Variants in POGLUT1 observed in about 807,000 individuals in gnomAD.
POGLUT1 encodes the protein protein O-glucosyltransferase 1.
A neutral mutation model predicts 61.3 loss-of-function variants in POGLUT1; 32 were observed. The observed-to-expected ratio is 0.52, with a 90% CI of 0.39 to 0.70. The LOEUF (loss-of-function observed/expected upper bound fraction) is 0.70, where lower values mean the gene tolerates loss of function less well. Among genes scored for constraint, POGLUT1 ranks in the 30% least tolerant of loss-of-function variants. The pLI is 0.00. For missense variants in POGLUT1, 411 were observed against 469.8 expected, an observed-to-expected ratio of 0.87 and a Z score of 1.16; for synonymous variants, 158 against 158.2, an observed-to-expected ratio of 1.00 and a Z score of 0.01.
In POGLUT1 at chr3:119,493,613, T is replaced by G. The variant is rs1351035563; in HGVS notation, c.*1175T>G. ...CTTCCTTTGTCTTTTAAGAACTATTTGGTATTAACTAGTTTCAGAATTAGT... is the reference window on the plus strand; with the variant it reads ...CTTCCTTTGTCTTTTAAGAACTATTGGGTATTAACTAGTTTCAGAATTAGT... On this transcript the variant is annotated 3_prime_UTR_variant, in exon 11 of 11. Coordinates refer to ENST00000295588, the MANE Select transcript of POGLUT1 (RefSeq NM_152305.3). 2 of 152,160 alleles carry G rather than the reference T, an allele frequency of 1.3e-5. No homozygotes were observed. Among genetic ancestry groups the G allele is most frequent in the African/African-American group, 4.8e-5 (2 of 41,430 alleles). 9.4% of individuals were successfully genotyped at this position (152,160 alleles called of 1,614,324 possible).
intron 2 of POGLUT1, among the ~76,000 whole-genome samples, chr3:119,470,176 G>T (rs892521030): frequency 6.6e-6 from 1 of 152,178 alleles, no homozygotes. Context: ...ATTTGCTGTT[G>T]TCTCCCTGGT....
chr3:119,490,767 G>C, intron 9 of POGLUT1, 49 bp downstream of exon 9: 3 of 1,536,906 alleles, frequency 2.0e-6, no homozygotes, highest in South Asian at 1.2e-5. Context: ...CTTCCAATCT[G>C]CTTTTAAAAA....
chr3:119,474,856 A>G (rs1195158566), intron 3 of POGLUT1, among the ~76,000 whole-genome samples: 2 of 152,124 alleles, frequency 1.3e-5, no homozygotes, highest in African/African-American at 2.4e-5. Flanking sequence ...TAAAAATTAA[A>G]TTAAACTAAA....
chr3:119,484,342 T>C (rs544875612), intron 5 of POGLUT1, among the ~76,000 whole-genome samples: 2 of 152,350 alleles, frequency 1.3e-5, no homozygotes, highest in South Asian at 4.1e-4. Flanking sequence ...CCTCATTAAC[T>C]TCAGTTCAGC....
chr3:119,483,028 AAC>A (rs2081623646), intron 5 of POGLUT1, among the ~76,000 whole-genome samples: 3 of 152,208 alleles, frequency 2.0e-5, no homozygotes, highest in African/African-American at 7.2e-5. Flanking sequence ...GTGTATATGA[AAC>A]ACAGCTTCCC....
At chr3:119,474,483 G>A (rs944402866) in intron 3 of POGLUT1, among the ~76,000 whole-genome samples, 13 of 152,040 alleles carry the variant, frequency 8.6e-5, no homozygotes, top group African/African-American at 3.1e-4. Flanking sequence ...CTACTTTCTC[G>A]AATTATAGAT....
chr3:119,469,176 C>A (rs765115424), intron 1 of POGLUT1, 70 bp downstream of exon 1: 8 of 1,263,328 alleles, frequency 6.3e-6, no homozygotes, highest in Non-Finnish European at 8.9e-6. Context: ...GGCGCTCCCC[C>A]GCGCGGCCGG....
At chr3:119,476,951 AC>A (rs2081544422) in intron 3 of POGLUT1, among the ~76,000 whole-genome samples, 1 of 152,244 alleles carries the variant, frequency 6.6e-6, no homozygotes, top group Non-Finnish European at 1.5e-5. Flanking sequence ...TTCAGCTATT[AC>A]GAGAGTTTGT....
chr3:119,479,911 A>G lies in POGLUT1; in HGVS notation c.457-140A>G, dbSNP rs746454836. 8 of 1,528,004 alleles carry G rather than the reference A, an allele frequency of 5.2e-6. No individual in the cohort carries two copies. In the African/African-American group the frequency reaches 6.9e-5, roughly 13 times the overall value. 94.7% of individuals were successfully genotyped at this position (1,528,004 alleles called of 1,614,324 possible). On this transcript the variant is annotated intron_variant, in intron 4 of 10. Transcript: ENST00000295588. The stretch of plus-strand genomic sequence containing the variant: ...TTTTGCCTTTTAATGTCTACAGGCT[A>G]GACTTTGGAAAATAGGGAAAATATA...
At chr3:119,471,809 C>T (rs901786511) in intron 3 of POGLUT1, 8 of 314,522 alleles carry the variant, frequency 2.5e-5, no homozygotes, top group Non-Finnish European at 4.3e-5. Context: ...TGTCTGTCAT[C>T]GGCCAGTGTA....
intron 4 of POGLUT1, 115 bp from the exon 5 acceptor site, chr3:119,479,936 A>G: frequency 6.4e-7 from 1 of 1,564,372 alleles, no homozygotes; most frequent in Non-Finnish European, 8.7e-7. Flanking sequence ...GGGAAAATAT[A>G]TCTTTGACAA....
Position 119,470,005 on chromosome 3 carries a change from A to T in POGLUT1, c.176+95A>T, listed in dbSNP as rs952602235. 1.8e-5 allele frequency: 14 copies of T among 763,664 alleles called. No individual in the cohort carries two copies. In the African/African-American group the frequency reaches 2.3e-4, roughly 12 times the overall value. 47.3% of individuals were successfully genotyped at this position (763,664 alleles called of 1,614,324 possible). On this transcript the variant is annotated intron_variant, in intron 2 of 10. Coordinates refer to ENST00000295588, the MANE Select transcript of POGLUT1 (RefSeq NM_152305.3). ...AGAGATTTTGGTTGCAGTGGTCAGAAAGGCAAGGATGTTTTTCTATTTCTG... is the reference window on the plus strand; with the variant it reads ...AGAGATTTTGGTTGCAGTGGTCAGATAGGCAAGGATGTTTTTCTATTTCTG...
chr3:119,469,061 C>G lies in POGLUT1; in HGVS notation c.40C>G (p.Leu14Val). Residue 14 changes from leucine (L) to valine (V), a missense_variant, in exon 1 of 11, where the codon CTG becomes GTG. By Grantham distance (32) the Leu-to-Val change is conservative (BLOSUM62 1). Transcript: ENST00000295588. Reference sequence around the variant, plus strand: ...TAGCTCGCCGCTTCGGCTCTGGCTGCTGTTGTTCCTCCTGCCCTCAGCGCA... The same window carrying G: ...TAGCTCGCCGCTTCGGCTCTGGCTGGTGTTGTTCCTCCTGCCCTCAGCGCA... ...WASSPLRLWL[L>V]LFLLPSAQGR... The G allele has an allele frequency of 6.2e-7, 1 of 1,609,580 alleles. No individual in the cohort carries two copies. Among genetic ancestry groups the G allele is most frequent in the Non-Finnish European group, 8.5e-7 (1 of 1,179,110 alleles).
In POGLUT1 at chr3:119,491,582, C is replaced by A. The variant is rs2081746195; in HGVS notation, c.1022+8C>A. ...TCAAGAGATTGCTGAAAGGTGAGTT[C>A]TGTTCATTTTCCCTTTTCCACTTTA... is the stretch of plus-strand genomic sequence containing the variant. On this transcript the variant is annotated splice_region_variant and intron_variant, in intron 10 of 10. Coordinates refer to ENST00000295588, the MANE Select transcript of POGLUT1 (RefSeq NM_152305.3). 2 of 1,510,518 alleles carry A rather than the reference C, an allele frequency of 1.3e-6. No individual in the cohort carries two copies. Among genetic ancestry groups the A allele is most frequent in the South Asian group, 1.2e-5 (1 of 84,108 alleles). The allele number at this position is 1,510,518 out of a possible 1,614,324, so 93.6% of individuals were successfully genotyped here.
Position 119,493,100 on chromosome 3 carries a change from C to G in POGLUT1, c.*662C>G, listed in dbSNP as rs1314433529. ...AATTATTGCAATTGGATTTCAGGTT[C>G]CCTTTTTGTGCCTTCATGCCCTACT... is the stretch of plus-strand genomic sequence containing the variant. On this transcript the variant is annotated 3_prime_UTR_variant, in exon 11 of 11. Transcript: ENST00000295588. The G allele has an allele frequency of 2.0e-5, 3 of 151,300 alleles. No individual in the cohort carries two copies. The highest frequency in any genetic ancestry group is 7.4e-5 in the African/African-American group (3 of 40,614). The allele number at this position is 151,300 out of a possible 1,614,324, so 9.4% of individuals were successfully genotyped here. A position where few individuals can be genotyped will look rare whatever the true frequency, so the allele number is the denominator to read the frequency against.
Position 119,477,989 on chromosome 3 carries a change from A to G in POGLUT1, c.456+541A>G, listed in dbSNP as rs1357322192. On this transcript the variant is annotated intron_variant, in intron 4 of 10. Coordinates refer to ENST00000295588, the MANE Select transcript of POGLUT1 (RefSeq NM_152305.3). ...TAGGCTGGAGATAGCCTAGAGGGCTATGCAAGGGGGTGATCTTTTAGACTC... is the reference window on the plus strand; with the variant it reads ...TAGGCTGGAGATAGCCTAGAGGGCTGTGCAAGGGGGTGATCTTTTAGACTC... 4 of 240,186 alleles carry G rather than the reference A, an allele frequency of 1.7e-5. No homozygotes were observed. In the East Asian group the frequency reaches 4.5e-4, roughly 27 times the overall value. The allele number at this position is 240,186 out of a possible 1,614,324, so 14.9% of individuals were successfully genotyped here.
At chr3:119,480,428 A>G (rs930038054) in intron 5 of POGLUT1, among the ~76,000 whole-genome samples, 2 of 151,426 alleles carry the variant, frequency 1.3e-5, no homozygotes, top group African/African-American at 4.9e-5. Context: ...TCGTATTTTT[A>G]GTAGAGACGG....
chr3:119,487,109 T>A lies in POGLUT1; in HGVS notation c.738+177T>A, dbSNP rs985964710. The A allele has an allele frequency of 1.5e-5, 9 of 600,876 alleles. No individual in the cohort carries two copies. The Admixed American group carries it at 2.0e-4, about 14-fold the overall frequency. 37.2% of individuals were successfully genotyped at this position (600,876 alleles called of 1,614,324 possible). ...TTCTCCTTTTTCAAACTTACATTGC[T>A]TTTCTGGCCATATTATGACTAGTAT... On this transcript the variant is annotated intron_variant, in intron 7 of 10. Transcript: ENST00000295588.
At chr3:119,490,287 G>T in intron 8 of POGLUT1, 1 of 439,890 alleles carries the variant, frequency 2.3e-6, no homozygotes, top group Non-Finnish European at 4.2e-6. Context: ...CCCAGCTCCT[G>T]ACCCTATCTA....
Sources: allele counts gnomAD v4.1 joint callset (sites outside exome capture counted in the v4.1 genomes callset), GRCh38; gene constraint gnomAD v4.1.1; transcripts MANE v1.5; gene names NCBI Gene and HGNC (gene_info 2026-07-23, HGNC 2026-07-21).